The following LOC128092252 variants were observed in gnomAD, a reference collection of about 807,000 sequenced individuals.
the LOC128092252 span, among the ~76,000 whole-genome samples, chr15:50,659,152 C>T: frequency 5.3e-5 from 8 of 149,782 alleles, no homozygotes; most frequent in Non-Finnish European, 7.4e-5. Flanking sequence ...GAGACTACGC[C>T]ACTGCACACC....
the LOC128092252 span, among the ~76,000 whole-genome samples, chr15:50,674,240 C>T: frequency 2.0e-5 from 3 of 152,200 alleles, no homozygotes; most frequent in South Asian, 2.1e-4. Flanking sequence ...CCATCTGCCT[C>T]GGCCTCCCAA....
At chr15:50,657,268 G>A in the LOC128092252 span, among the ~76,000 whole-genome samples, 2 of 152,284 alleles carry the variant, frequency 1.3e-5, no homozygotes, top group South Asian at 2.1e-4. Flanking sequence ...AGGTTGCAGT[G>A]AGCCGAGATT....
chr15:50,686,147 C>T, the LOC128092252 span, among the ~76,000 whole-genome samples: 1 of 152,206 alleles, frequency 6.6e-6, no homozygotes, highest in Admixed American at 6.5e-5. Flanking sequence ...CAGCAACTGG[C>T]GCCAGGAGGA....
chr15:50,678,995 T>A, the LOC128092252 span, among the ~76,000 whole-genome samples: 2 of 152,174 alleles, frequency 1.3e-5, no homozygotes, highest in African/African-American at 4.8e-5. Flanking sequence ...TGCCTCAGCC[T>A]CCCGAGTAGC....
the LOC128092252 span, among the ~76,000 whole-genome samples, chr15:50,657,143 G>A: frequency 6.6e-6 from 1 of 152,098 alleles, no homozygotes; most frequent in African/African-American, 2.4e-5. Context: ...GGCCAACATG[G>A]TGAAACCCCA....
the LOC128092252 span, among the ~76,000 whole-genome samples, chr15:50,660,229 T>A: frequency 6.6e-6 from 1 of 152,184 alleles, no homozygotes; most frequent in South Asian, 2.1e-4. Flanking sequence ...AGGTTATCTA[T>A]TTTAATGATC....
At chr15:50,686,506 G>C in the LOC128092252 span, 1 of 1,613,626 alleles carries the variant, frequency 6.2e-7, no homozygotes, top group African/African-American at 1.3e-5. Context: ...ACCATTCCCC[G>C]CCCGGGCCTG....
the LOC128092252 span, among the ~76,000 whole-genome samples, chr15:50,659,147 T>C: frequency 6.8e-6 from 1 of 147,070 alleles, no homozygotes; most frequent in African/African-American, 2.5e-5. Context: ...GCAGTGAGAC[T>C]ACGCCACTGC....
chr15:50,652,415 G>A, the LOC128092252 span, among the ~76,000 whole-genome samples: 1 of 145,950 alleles, frequency 6.9e-6, no homozygotes, highest in African/African-American at 2.5e-5. Flanking sequence ...CAAAAAGCTT[G>A]TCATTGAAAA....
At chr15:50,652,516 ACT>A in the LOC128092252 span, among the ~76,000 whole-genome samples, 3 of 125,778 alleles carry the variant, frequency 2.4e-5, no homozygotes, top group African/African-American at 8.5e-5. Flanking sequence ...ATACAGCAAG[ACT>A]CTGTCTCAAA....
the LOC128092252 span, among the ~76,000 whole-genome samples, chr15:50,671,994 T>C: frequency 6.6e-6 from 1 of 152,230 alleles, no homozygotes; most frequent in African/African-American, 2.4e-5. Flanking sequence ...TACTGATTTA[T>C]GTATTTACTA....
the LOC128092252 span, among the ~76,000 whole-genome samples, chr15:50,664,565 TAA>T: frequency 2.0e-5 from 3 of 152,030 alleles, no homozygotes; most frequent in South Asian, 4.1e-4. Context: ...ATTAACCAAA[TAA>T]AAGTTTCAAA....
the LOC128092252 span, among the ~76,000 whole-genome samples, chr15:50,658,487 T>C: frequency 6.6e-6 from 1 of 151,342 alleles, no homozygotes; most frequent in African/African-American, 2.4e-5. Flanking sequence ...GGAGGATTCC[T>C]TGAGCATGGG....
chr15:50,676,399 G>C, the LOC128092252 span, among the ~76,000 whole-genome samples: 2 of 151,836 alleles, frequency 1.3e-5, no homozygotes, highest in African/African-American at 4.8e-5. Flanking sequence ...CCATCCCTCA[G>C]ATAACCACCA....
the LOC128092252 span, among the ~76,000 whole-genome samples, chr15:50,680,061 C>CTATTGT: frequency 6.6e-6 from 1 of 151,924 alleles, no homozygotes; most frequent in African/African-American, 2.4e-5. Context: ...TGGTGAAACC[C>CTATTGT]TGTCTCTGCT....
chr15:50,659,909 C>A, the LOC128092252 span, among the ~76,000 whole-genome samples: 1 of 152,180 alleles, frequency 6.6e-6, no homozygotes, highest in Non-Finnish European at 1.5e-5. Flanking sequence ...CTCAGGTGAT[C>A]CACCTACAGC....
the LOC128092252 span, among the ~76,000 whole-genome samples, chr15:50,680,365 A>C: frequency 6.6e-6 from 1 of 152,132 alleles, no homozygotes. Flanking sequence ...ACATGCCAAA[A>C]CTCTGTCTCC....
chr15:50,652,587 T>C, the LOC128092252 span, among the ~76,000 whole-genome samples: 1 of 151,386 alleles, frequency 6.6e-6, no homozygotes, highest in African/African-American at 2.4e-5. Flanking sequence ...GCCAGATGCC[T>C]TCACTGGTGA....
chr15:50,679,987 A>G, the LOC128092252 span, among the ~76,000 whole-genome samples: 1 of 150,980 alleles, frequency 6.6e-6, no homozygotes. Context: ...TAATCCCAGC[A>G]CTTTGGGGGG....
Sources: gnomAD v4.1 joint callset for allele counts (sites outside exome capture counted in the v4.1 genomes callset) on GRCh38, gnomAD v4.1.1 for gene constraint, MANE v1.5 for transcripts.